The following KCNMA1 variants were observed in gnomAD, a reference collection of about 807,000 sequenced individuals.
KCNMA1 encodes the protein potassium calcium-activated channel subfamily M alpha 1, also known as Calcium-activated potassium channel subunit alpha-1.
KCNMA1 carries 29 observed loss-of-function variants against 140.0 expected under a neutral mutation model. The ratio of observed to expected loss-of-function variants is 0.21; its 90% CI spans 0.15 to 0.28. The LOEUF is 0.28. Among genes scored for constraint, KCNMA1 ranks in the 10% least tolerant of loss-of-function variants. KCNMA1 has a pLI of 1.00. For synonymous variants in KCNMA1, 612 were observed against 611.9 expected (o/e 1.00, Z 0.00); for missense variants, 880 against 1,602.2 (o/e 0.55, Z 7.70).
At chr10:77,550,957 A>G (rs1271409435) in intron 1 of KCNMA1, among the ~76,000 whole-genome samples, 2 of 152,194 alleles carry the variant, frequency 1.3e-5, no homozygotes, top group African/African-American at 4.8e-5. Context: ...ACACACTCAT[A>G]GAGTATTCAA....
chr10:77,620,008 T>G (rs2090898441), intron 1 of KCNMA1, among the ~76,000 whole-genome samples: 1 of 152,118 alleles, frequency 6.6e-6, no homozygotes, highest in Non-Finnish European at 1.5e-5. Context: ...TCATCTCCGC[T>G]TTTCCCAGCA....
chr10:76,990,922 A>G (rs769914509), intron 19 of KCNMA1, among the ~76,000 whole-genome samples: 11 of 152,210 alleles, frequency 7.2e-5, no homozygotes, highest in Non-Finnish European at 1.6e-4. Flanking sequence ...GAACAAACAG[A>G]ATAATGGCTC....
At chr10:77,287,219 C>T (rs968266704) in intron 2 of KCNMA1, among the ~76,000 whole-genome samples, 2 of 152,204 alleles carry the variant, frequency 1.3e-5, no homozygotes, top group Non-Finnish European at 2.9e-5. Context: ...CCTCTCCGTG[C>T]ACTGAGACCC....
chr10:77,023,213 G>A (rs2093054917), intron 16 of KCNMA1, among the ~76,000 whole-genome samples: 1 of 152,146 alleles, frequency 6.6e-6, no homozygotes. Context: ...TGCATAACTG[G>A]GGGACATCTA....
chr10:77,454,110 C>A (rs189355744), intron 1 of KCNMA1, among the ~76,000 whole-genome samples: 1 of 152,196 alleles, frequency 6.6e-6, no homozygotes, highest in African/African-American at 2.4e-5. Flanking sequence ...ACTAAGATAT[C>A]CAGCAACCAA....
intron 2 of KCNMA1, among the ~76,000 whole-genome samples, chr10:77,255,402 C>A (rs370723881): frequency 6.6e-6 from 1 of 151,424 alleles, no homozygotes; most frequent in African/African-American, 2.4e-5. Context: ...GAGTTCTAGA[C>A]CAGCCTGTCC....
rs548962998 is a variant in KCNMA1, at chr10:77,028,168, T to C, written c.1860-277A>G. 3.9e-5 allele frequency among the ~76,000 whole-genome samples: 6 copies of C among 152,270 alleles called. No homozygotes were observed. The South Asian group carries it at 1.2e-3, about 32-fold the overall frequency. On this transcript the variant is annotated intron_variant, in intron 15 of 27. Coordinates refer to ENST00000286628, the MANE Select transcript of KCNMA1 (RefSeq NM_001161352.2). Reference sequence around the variant, plus strand: ...CAGAGCCCAAGCAGGAATTTGTGCCTGGGGATTTACTCTGGGCCAGATTCA... The same window carrying C: ...CAGAGCCCAAGCAGGAATTTGTGCCCGGGGATTTACTCTGGGCCAGATTCA...
chr10:77,199,708 G>A (rs1031080130), intron 3 of KCNMA1, among the ~76,000 whole-genome samples: 1 of 152,186 alleles, frequency 6.6e-6, no homozygotes, highest in Non-Finnish European at 1.5e-5. Flanking sequence ...ACTCATCAGC[G>A]TGAGAAGGCA....
intron 3 of KCNMA1, among the ~76,000 whole-genome samples, chr10:77,217,229 T>C (rs1159348280): frequency 6.6e-6 from 1 of 150,982 alleles, no homozygotes; most frequent in Non-Finnish European, 1.5e-5. Context: ...CGCTTGAACC[T>C]AGAAGGTGGA....
intron 2 of KCNMA1, among the ~76,000 whole-genome samples, chr10:77,377,730 G>T (rs950493258): frequency 6.6e-6 from 1 of 152,184 alleles, no homozygotes; most frequent in Non-Finnish European, 1.5e-5. Flanking sequence ...GATATCCCTT[G>T]CTGGAGATCC....
In KCNMA1 at chr10:76,953,914, A is replaced by C; in HGVS notation, c.2371T>G (p.Leu791Val). The C allele has an allele frequency of 6.2e-7, 1 of 1,614,124 alleles. No individual in the cohort carries two copies. Among genetic ancestry groups the C allele is most frequent in the Non-Finnish European group, 8.5e-7 (1 of 1,179,970 alleles). ...ATCTGATCATTGCCAGGAATTAACA[A>C]GGGGTCATGCCTGGGAAGAAAAGGA... is the stretch of plus-strand genomic sequence containing the variant. ...TSPKLMRHDP[L>V]LIPGNDQIDN... Residue 791 changes from leucine to valine, a missense_variant, in exon 21 of 28, where the codon TTG becomes GTG. Leu to Val is a conservative substitution (Grantham distance 32). Transcript: ENST00000286628.
chr10:77,406,957 G>T (rs117034658), intron 1 of KCNMA1, among the ~76,000 whole-genome samples: 133 of 152,302 alleles, frequency 8.7e-4, no homozygotes, highest in Non-Finnish European at 1.7e-3. Context: ...GGGAGGCAGG[G>T]GGGCCCTCCA....
intron 1 of KCNMA1, among the ~76,000 whole-genome samples, chr10:77,440,196 C>T (rs1017581361): frequency 6.6e-6 from 1 of 152,138 alleles, no homozygotes; most frequent in African/African-American, 2.4e-5. Flanking sequence ...AGACAGTGGG[C>T]CAGATGCTGG....
chr10:76,929,679 C>A (rs538489571), intron 23 of KCNMA1, among the ~76,000 whole-genome samples: 2 of 152,166 alleles, frequency 1.3e-5, no homozygotes, highest in African/African-American at 4.8e-5. Flanking sequence ...TTGGGCTGCA[C>A]GTTGGAATCA....
chr10:77,510,514 T>C (rs1012135335), intron 1 of KCNMA1, among the ~76,000 whole-genome samples: 5 of 151,584 alleles, frequency 3.3e-5, no homozygotes, highest in Non-Finnish European at 5.9e-5. Context: ...CAGGATCAAA[T>C]AAGCCTGGGA....
At chr10:77,579,386 G>A (rs2075196919) in intron 1 of KCNMA1, among the ~76,000 whole-genome samples, 1 of 152,178 alleles carries the variant, frequency 6.6e-6, no homozygotes, top group Non-Finnish European at 1.5e-5. Flanking sequence ...CTGTCAATCT[G>A]TCACAATTAC....
intron 17 of KCNMA1, among the ~76,000 whole-genome samples, chr10:77,014,764 T>A (rs911296075): frequency 1.3e-5 from 2 of 152,152 alleles, no homozygotes; most frequent in Non-Finnish European, 2.9e-5. Flanking sequence ...GTCGGGGGTG[T>A]CCATGGTGAT....
chr10:76,981,369 A>AAACGGACCTCAATTGGAG, intron 19 of KCNMA1, among the ~76,000 whole-genome samples: 2 of 152,350 alleles, frequency 1.3e-5, no homozygotes, highest in Admixed American at 1.3e-4. Context: ...GAAAACGTTT[A>AAACGGACCTCAATTGGAG]AACGGACCTC....
chr10:76,977,044 C>T (rs2077803761), intron 19 of KCNMA1, among the ~76,000 whole-genome samples: 1 of 152,194 alleles, frequency 6.6e-6, no homozygotes, highest in Non-Finnish European at 1.5e-5. Flanking sequence ...CCAATACAAA[C>T]AGCCCCTCCC....
Sources: gnomAD v4.1 joint callset for allele counts (sites outside exome capture counted in the v4.1 genomes callset) on GRCh38, gnomAD v4.1.1 for gene constraint, MANE v1.5 for transcripts, NCBI Gene and HGNC (gene_info 2026-07-23, HGNC 2026-07-21) for gene names.